The following NUDT3 variants were observed in gnomAD, a reference collection of about 807,000 sequenced individuals.
NUDT3 encodes the protein nudix hydrolase 3.
A neutral mutation model predicts 23.6 loss-of-function variants in NUDT3; 9 were observed. The observed-to-expected ratio is 0.38, with a 90% confidence interval of 0.23 to 0.66. The LOEUF is 0.66. NUDT3 is among the 30% of genes least tolerant of loss of function. The pLI, the probability that NUDT3 is intolerant of heterozygous loss-of-function variation, is 0.52. For synonymous variants in NUDT3, 86 were observed against 82.6 expected, an observed-to-expected ratio of 1.04 and a Z score of -0.22; for missense variants, 172 against 218.5, an observed-to-expected ratio of 0.79 and a Z score of 1.34.
chr6:34,345,601 G>T (rs1371802763), intron 1 of NUDT3, among the ~76,000 whole-genome samples: 10 of 149,098 alleles, frequency 6.7e-5, no homozygotes, highest in African/African-American at 2.5e-4. Flanking sequence ...AGGTGGAGCT[G>T]GCAGTGAACC....
intron 1 of NUDT3, among the ~76,000 whole-genome samples, chr6:34,356,002 T>A (rs781019145): frequency 2.0e-5 from 3 of 151,774 alleles, no homozygotes; most frequent in Non-Finnish European, 4.4e-5. Flanking sequence ...TGTTTAGGAG[T>A]AGAATGGGAC....
intron 4 of NUDT3, among the ~76,000 whole-genome samples, chr6:34,289,930 T>C (rs1763393235): frequency 6.6e-6 from 1 of 152,166 alleles, no homozygotes; most frequent in Non-Finnish European, 1.5e-5. Context: ...TGCTTTCAGG[T>C]ACTCTGAATC....
intron 1 of NUDT3, among the ~76,000 whole-genome samples, chr6:34,357,353 C>T (rs1006617880): frequency 4.0e-5 from 6 of 151,330 alleles, no homozygotes; most frequent in African/African-American, 1.5e-4. Flanking sequence ...CATGGTGCCT[C>T]ATGCCTGTAA....
chr6:34,351,200 A>T (rs1764463822), intron 1 of NUDT3, among the ~76,000 whole-genome samples: 2 of 103,372 alleles, frequency 1.9e-5, no homozygotes, highest in Non-Finnish European at 3.7e-5. Context: ...CCCCTGCCTA[A>T]AAAAAAAAAA....
At chr6:34,384,992 G>T (rs1029909369) in intron 1 of NUDT3, among the ~76,000 whole-genome samples, 1 of 147,696 alleles carries the variant, frequency 6.8e-6, no homozygotes, top group Admixed American at 6.8e-5. Context: ...TCGCATTACT[G>T]CATTCCAGCC....
intron 4 of NUDT3, among the ~76,000 whole-genome samples, chr6:34,291,820 A>C (rs951338353): frequency 1.3e-5 from 2 of 152,310 alleles, no homozygotes; most frequent in African/African-American, 2.4e-5. Flanking sequence ...GGGTGGTGTT[A>C]AACTATGGTG....
At chr6:34,305,984 C>G (rs75388947) in intron 2 of NUDT3, among the ~76,000 whole-genome samples, 3 of 152,014 alleles carry the variant, frequency 2.0e-5, no homozygotes, top group Non-Finnish European at 2.9e-5. Context: ...GAAAAAATTA[C>G]GTATTCTTTG....
chr6:34,373,253 T>C (rs2113761366), intron 1 of NUDT3, among the ~76,000 whole-genome samples: 1 of 113,622 alleles, frequency 8.8e-6, no homozygotes, highest in Non-Finnish European at 1.6e-5. Flanking sequence ...CACTCTAGCC[T>C]GGGCGACTGA....
intron 1 of NUDT3, among the ~76,000 whole-genome samples, chr6:34,355,493 T>C (rs1764547896): frequency 6.6e-6 from 1 of 152,136 alleles, no homozygotes; most frequent in Non-Finnish European, 1.5e-5. Context: ...TTCTCTTTTC[T>C]TGTAATGTAC....
rs1444147282 is a variant in NUDT3 at position 34,297,757 on chromosome 6, A to G, written c.211-2072T>C. On this transcript the variant is annotated intron_variant, in intron 2 of 4. Coordinates refer to ENST00000607016, the MANE Select transcript of NUDT3 (RefSeq NM_006703.4). ...TATATATATATATATATATATATAT[A>G]TAATTTTTTTTTTTTTTTTAGTAGA... Among the ~76,000 whole-genome samples the G allele has an allele frequency of 1.8e-4, 12 of 68,056 alleles. 1 individual carries two copies. The highest frequency in any genetic ancestry group is 3.1e-4 in the Non-Finnish European group (11 of 35,276). The allele number at this position is 68,056 out of a possible 152,430, so 44.6% of individuals were successfully genotyped here. A position where few individuals can be genotyped will look rare whatever the true frequency, so the allele number is the denominator to read the frequency against.
rs891200447 is a variant in NUDT3, at chr6:34,392,463, G to A, written c.-101C>T. 2.0e-5 allele frequency: 15 copies of A among 763,964 alleles called. No homozygotes were observed. The highest frequency in any genetic ancestry group is 1.5e-4 in the Admixed American group (6 of 38,918). 47.3% of individuals were successfully genotyped at this position (763,964 alleles called of 1,614,324 possible). A position where few individuals can be genotyped will look rare whatever the true frequency, so the allele number is the denominator to read the frequency against. ...GCGCGCGCGCCCCCGGCTCGGCCAA[G>A]GGAAGCAGGGAGGGGGAGCTTCTCC... is the stretch of plus-strand genomic sequence containing the variant. On this transcript the variant is annotated 5_prime_UTR_variant, in exon 1 of 5. Transcript: ENST00000607016.
In NUDT3 at chr6:34,279,733, C is replaced by T. The variant is rs536655249; in HGVS notation, c.*9020G>A. 6.6e-6 allele frequency: 1 copy of T among 152,322 alleles called. No homozygotes were observed. Among genetic ancestry groups the T allele is most frequent in the South Asian group, 2.1e-4 (1 of 4,818 alleles). 9.4% of individuals were successfully genotyped at this position (152,322 alleles called of 1,614,324 possible). A position where few individuals can be genotyped will look rare whatever the true frequency, so the allele number is the denominator to read the frequency against. On this transcript the variant is annotated 3_prime_UTR_variant, in exon 5 of 5. Transcript: ENST00000607016. Reference sequence around the variant, plus strand: ...GGCACAAGATTACAACCTACAATTTCAATGCCCTTCCCTCCCACACAGCTC... The same window carrying T: ...GGCACAAGATTACAACCTACAATTTTAATGCCCTTCCCTCCCACACAGCTC...
intron 2 of NUDT3, among the ~76,000 whole-genome samples, chr6:34,303,349 A>G (rs569474429): frequency 7.9e-5 from 12 of 151,972 alleles, no homozygotes; most frequent in African/African-American, 2.9e-4. Flanking sequence ...AATTCTATTA[A>G]TAATAGTTCC....
At chr6:34,295,959 G>A (rs956613887) in intron 2 of NUDT3, among the ~76,000 whole-genome samples, 2 of 152,112 alleles carry the variant, frequency 1.3e-5, no homozygotes, top group East Asian at 1.9e-4. Context: ...AGATCATCAG[G>A]CCATGAAGCC....
At chr6:34,330,412 AT>A (rs1227912999) in intron 2 of NUDT3, among the ~76,000 whole-genome samples, 2 of 152,076 alleles carry the variant, frequency 1.3e-5, no homozygotes, top group Admixed American at 6.6e-5. Flanking sequence ...GATGATGAGC[AT>A]TTTTTCATGT....
chr6:34,289,661 G>A (rs1763388691), intron 4 of NUDT3, among the ~76,000 whole-genome samples: 1 of 152,222 alleles, frequency 6.6e-6, no homozygotes, highest in South Asian at 2.1e-4. Flanking sequence ...TTATAAGAGT[G>A]AATTTATCTA....
chr6:34,353,210 T>C (rs1764504974), intron 1 of NUDT3, among the ~76,000 whole-genome samples: 1 of 152,206 alleles, frequency 6.6e-6, no homozygotes, highest in Non-Finnish European at 1.5e-5. Flanking sequence ...TACTTTGCCT[T>C]TTCACTTAAA....
chr6:34,347,196 T>C (rs1467626122), intron 1 of NUDT3, among the ~76,000 whole-genome samples: 1 of 152,186 alleles, frequency 6.6e-6, no homozygotes. Flanking sequence ...TGAAAAGAAA[T>C]TAAGTGCAAA....
intron 2 of NUDT3, among the ~76,000 whole-genome samples, chr6:34,337,529 A>G (rs1345635802): frequency 6.6e-6 from 1 of 152,208 alleles, no homozygotes; most frequent in Non-Finnish European, 1.5e-5. Flanking sequence ...CTATAGAAGG[A>G]TAGTATGCAA....
Sources: gnomAD v4.1 joint callset for allele counts (sites outside exome capture counted in the v4.1 genomes callset) on GRCh38, gnomAD v4.1.1 for gene constraint, MANE v1.5 for transcripts, NCBI Gene and HGNC (gene_info 2026-07-23, HGNC 2026-07-21) for gene names.